Variants in FGGY observed in about 807,000 individuals in gnomAD.
FGGY encodes the protein FGGY carbohydrate kinase domain-containing protein.
A neutral mutation model predicts 71.3 loss-of-function variants in FGGY; 72 were observed. That is an observed-to-expected ratio of 1.01 (90% CI 0.84 to 1.23). FGGY has a LOEUF of 1.23. Among genes scored for constraint, FGGY ranks in the 50% most tolerant of loss-of-function variants. The pLI, the probability that FGGY is intolerant of heterozygous loss-of-function variation, is 0.00. For missense variants in FGGY, 668 were observed against 682.3 expected, an observed-to-expected ratio of 0.98 and a Z score of 0.23; for synonymous variants, 251 against 250.3, an observed-to-expected ratio of 1.00 and a Z score of -0.02.
At position 59,512,375 on chromosome 1, in the gene FGGY, C is replaced by A. The variant is rs764390692; in HGVS notation, c.735C>A (p.Asp245Glu). ...GGCTCACACCAGAGGCAGCAAGAGA[C>A]CTTGGCCTTCTCCCTGGGATTGCGG... ...GNGLTPEAAR[D>E]LGLLPGIAVA... is the part of the protein sequence containing the mutation. Residue 245 changes from aspartate to glutamate, a missense_variant, in exon 7 of 16, where the codon GAC becomes GAA. Asp to Glu is a conservative substitution (Grantham distance 45). Around this residue, in one of 2 missense-constraint regions of FGGY, gnomAD observed 661 missense variants for 661.6 expected, o/e 1.00. Transcript: ENST00000303721. The A allele has an allele frequency of 4.3e-6, 7 of 1,613,806 alleles. No homozygotes were observed. Among genetic ancestry groups the A allele is most frequent in the Non-Finnish European group, 5.9e-6 (7 of 1,179,812 alleles).
chr1:59,561,203 A>G (rs2095788317), intron 8 of FGGY, among the ~76,000 whole-genome samples: 1 of 152,176 alleles, frequency 6.6e-6, no homozygotes, highest in African/African-American at 2.4e-5. Flanking sequence ...GGGATTCCAC[A>G]CGGTACAGTA....
intron 5 of FGGY, among the ~76,000 whole-genome samples, chr1:59,443,630 A>G (rs1228482343): frequency 2.6e-5 from 4 of 152,266 alleles, no homozygotes; most frequent in African/African-American, 4.8e-5. Flanking sequence ...TAAGGATTAT[A>G]TAGACACCAC....
intron 5 of FGGY, among the ~76,000 whole-genome samples, chr1:59,440,673 A>G (rs1328598133): frequency 6.8e-6 from 1 of 147,418 alleles, no homozygotes; most frequent in African/African-American, 2.5e-5. Flanking sequence ...TGTGCAGTGT[A>G]GTATGGGAGA....
chr1:59,647,304 A>G (rs148763923), intron 11 of FGGY, among the ~76,000 whole-genome samples: 49 of 152,308 alleles, frequency 3.2e-4, no homozygotes, highest in African/African-American at 1.1e-3. Context: ...TTAGACTTAA[A>G]CCCTCAGAAG....
intron 14 of FGGY, among the ~76,000 whole-genome samples, chr1:59,733,507 C>A (rs2098067403): frequency 6.6e-6 from 1 of 151,908 alleles, no homozygotes; most frequent in African/African-American, 2.4e-5. Flanking sequence ...CTTCACATCT[C>A]AGGTGTAAAT....
intron 15 of FGGY, among the ~76,000 whole-genome samples, chr1:59,760,027 C>T (rs1471477387): frequency 3.3e-5 from 5 of 152,108 alleles, no homozygotes; most frequent in African/African-American, 1.2e-4. Context: ...TGGGAGAAAA[C>T]ATTTGCTTAT....
At chr1:59,651,408 A>C (rs1356156536) in intron 11 of FGGY, among the ~76,000 whole-genome samples, 1 of 148,694 alleles carries the variant, frequency 6.7e-6, no homozygotes, top group Non-Finnish European at 1.5e-5. Flanking sequence ...TAGGTCACTC[A>C]GGACTTGCTT....
intron 3 of FGGY, among the ~76,000 whole-genome samples, chr1:59,340,272 G>C (rs971652637): frequency 2.6e-5 from 4 of 152,144 alleles, no homozygotes; most frequent in African/African-American, 9.7e-5. Flanking sequence ...GCTGGATTAG[G>C]GGGACTAGGC....
chr1:59,316,886 C>T (rs1201910285), intron 1 of FGGY, among the ~76,000 whole-genome samples: 2 of 152,172 alleles, frequency 1.3e-5, no homozygotes, highest in Non-Finnish European at 1.5e-5. Context: ...TGACCACCCT[C>T]CCCATATCCC....
intron 5 of FGGY, among the ~76,000 whole-genome samples, chr1:59,388,926 T>A (rs976641060): frequency 7.9e-5 from 12 of 152,060 alleles, no homozygotes; most frequent in Non-Finnish European, 4.4e-5. Context: ...TATTAAATAA[T>A]AACTCCCCAT....
chr1:59,636,342 A>C (rs950030222), intron 10 of FGGY, among the ~76,000 whole-genome samples: 6 of 152,010 alleles, frequency 3.9e-5, no homozygotes, highest in African/African-American at 1.4e-4. Flanking sequence ...GTTCTACTGG[A>C]CGGGTGTGGT....
chr1:59,685,657 GA>G (rs1168299268), intron 14 of FGGY, among the ~76,000 whole-genome samples: 2 of 152,152 alleles, frequency 1.3e-5, no homozygotes, highest in Non-Finnish European at 2.9e-5. Flanking sequence ...AAAGAATGTT[GA>G]AAATCAGATT....
At chr1:59,539,389 G>C (rs115209696) in intron 7 of FGGY, among the ~76,000 whole-genome samples, 1 of 152,138 alleles carries the variant, frequency 6.6e-6, no homozygotes, top group Non-Finnish European at 1.5e-5. Flanking sequence ...ATTAAGAATG[G>C]TATTGAGGGA....
chr1:59,502,865 G>A (rs2094269585), intron 6 of FGGY, among the ~76,000 whole-genome samples: 1 of 152,232 alleles, frequency 6.6e-6, no homozygotes, highest in African/African-American at 2.4e-5. Flanking sequence ...TTGGAACAGA[G>A]AAGGAATCAG....
intron 8 of FGGY, among the ~76,000 whole-genome samples, chr1:59,558,864 TATTA>T (rs1174235568): frequency 6.6e-6 from 1 of 152,072 alleles, no homozygotes; most frequent in Non-Finnish European, 1.5e-5. Context: ...TTCCCCAGGG[TATTA>T]ATTATTAATA....
At chr1:59,301,469 A>G (rs1266061465) in intron 1 of FGGY, among the ~76,000 whole-genome samples, 1 of 152,126 alleles carries the variant, frequency 6.6e-6, no homozygotes, top group Non-Finnish European at 1.5e-5. Flanking sequence ...ACTAGCCAGA[A>G]CCATTGCTTT....
chr1:59,372,624 C>A (rs1452621966), intron 4 of FGGY, among the ~76,000 whole-genome samples: 1 of 152,106 alleles, frequency 6.6e-6, no homozygotes, highest in Non-Finnish European at 1.5e-5. Context: ...AATTTTAGAC[C>A]AATATCCTTG....
At chr1:59,381,377 C>T (rs569264065) in intron 5 of FGGY, among the ~76,000 whole-genome samples, 130 of 152,232 alleles carry the variant, frequency 8.5e-4, no homozygotes, top group African/African-American at 3.0e-3. Flanking sequence ...TATAAATTAC[C>T]TTGGGCGGTA....
intron 12 of FGGY, among the ~76,000 whole-genome samples, chr1:59,662,832 A>G (rs1451674024): frequency 6.6e-6 from 1 of 152,244 alleles, no homozygotes; most frequent in African/African-American, 2.4e-5. Context: ...GCATGACAAA[A>G]TCACCTAACA....
Sources: allele counts gnomAD v4.1 joint callset (sites outside exome capture counted in the v4.1 genomes callset), GRCh38; gene constraint gnomAD v4.1.1; regional missense constraint gnomAD v4.1.1; transcripts MANE v1.5; gene names NCBI Gene and HGNC (gene_info 2026-07-23, HGNC 2026-07-21).